Variants in PTPRN2 observed in about 807,000 individuals in gnomAD.
PTPRN2 encodes protein tyrosine phosphatase receptor type N2.
In PTPRN2, 74 loss-of-function variants were observed where a neutral mutation model predicts 118.8. The observed-to-expected ratio is 0.62, with a 90% CI of 0.52 to 0.76. The LOEUF is 0.76. Ranked by LOEUF, PTPRN2 falls within the 30% of genes least tolerant of loss-of-function variation. The probability of loss-of-function intolerance (pLI) is 0.00; values close to 1 mark genes in which losing one functional copy is unlikely to be tolerated. For missense variants in PTPRN2, 1,481 were observed against 1,394.4 expected (o/e 1.06, Z -0.99); for synonymous variants, 641 against 608.0 (o/e 1.05, Z -0.80).
At chr7:157,576,039 C>G (rs1800020254) in intron 19 of PTPRN2, among the ~76,000 whole-genome samples, 1 of 152,154 alleles carries the variant, frequency 6.6e-6, no homozygotes. Context: ...GTCTAGCATT[C>G]ACTTCAACAG....
chr7:158,505,666 G>T (rs1029022729), intron 1 of PTPRN2, among the ~76,000 whole-genome samples: 3 of 151,626 alleles, frequency 2.0e-5, no homozygotes, highest in Non-Finnish European at 2.9e-5. Context: ...AGAGGGAATG[G>T]GGAGAGGAAG....
At chr7:158,251,536 TG>T (rs1487878369) in intron 3 of PTPRN2, among the ~76,000 whole-genome samples, 8 of 143,796 alleles carry the variant, frequency 5.6e-5, no homozygotes, top group Non-Finnish European at 4.5e-5. Context: ...ATGTGGGGGG[TG>T]TGCAATGGAT....
chr7:157,862,284 A>G (rs1563183279), intron 12 of PTPRN2, among the ~76,000 whole-genome samples: 1 of 152,202 alleles, frequency 6.6e-6, no homozygotes, highest in Non-Finnish European at 1.5e-5. Flanking sequence ...ACTTCAACAT[A>G]TCTTTCTGCG....
At chr7:157,718,551 C>T (rs987620787) in intron 12 of PTPRN2, among the ~76,000 whole-genome samples, 6 of 151,692 alleles carry the variant, frequency 4.0e-5, no homozygotes, top group Non-Finnish European at 5.9e-5. Context: ...TCTGAGGTGA[C>T]ACTGCAGCCT....
At chr7:157,950,148 A>C (rs1199028626) in intron 11 of PTPRN2, among the ~76,000 whole-genome samples, 2 of 152,334 alleles carry the variant, frequency 1.3e-5, no homozygotes, top group South Asian at 2.1e-4. Context: ...GTATATCTCA[A>C]TGGAAACACT....
At chr7:158,392,038 C>T (rs540712006) in intron 2 of PTPRN2, among the ~76,000 whole-genome samples, 6 of 152,194 alleles carry the variant, frequency 3.9e-5, no homozygotes, top group East Asian at 1.9e-4. Context: ...TGGGCTGGTG[C>T]GGGGGGAGTA....
At chr7:158,110,769 A>T in intron 10 of PTPRN2, 60 bp downstream of exon 10, 1 of 1,450,386 alleles carries the variant, frequency 6.9e-7, no homozygotes, top group Non-Finnish European at 9.5e-7. Flanking sequence ...CTTCCCTCCC[A>T]CCCAGTCTCT....
At position 157,869,550 on chromosome 7, in the gene PTPRN2, G is replaced by A. The variant is rs188067188; in HGVS notation, c.1788+29123C>T. ...TTTAGTCCATTCCCAAGGCACTGAG[G>A]ACCTTGGGAATTTAGCCACATCAAT... On this transcript the variant is annotated intron_variant, in intron 12 of 22. Coordinates refer to ENST00000389418, the MANE Select transcript of PTPRN2 (RefSeq NM_002847.5). The surrounding 1 kb of genome is among the most constrained non-coding windows in gnomAD (Gnocchi z 4.2). Among the ~76,000 whole-genome samples, 6 of 152,250 alleles carry A rather than the reference G, an allele frequency of 3.9e-5. No homozygotes were observed. In the East Asian group the frequency reaches 1.2e-3, roughly 29 times the overall value.
intron 12 of PTPRN2, among the ~76,000 whole-genome samples, chr7:157,897,011 G>A (rs185043003): frequency 1.8e-4 from 27 of 150,198 alleles, no homozygotes; most frequent in African/African-American, 5.9e-4. Flanking sequence ...CACCACAGCC[G>A]CTTCTCACGG....
chr7:157,652,766 C>T (rs1389985182), intron 14 of PTPRN2, among the ~76,000 whole-genome samples: 1 of 152,254 alleles, frequency 6.6e-6, no homozygotes, highest in Non-Finnish European at 1.5e-5. Flanking sequence ...CACCTGCCGC[C>T]TCCTGTCTCC....
At chr7:158,336,333 C>T (rs1242064640) in intron 2 of PTPRN2, among the ~76,000 whole-genome samples, 1 of 143,504 alleles carries the variant, frequency 7.0e-6, no homozygotes, top group Non-Finnish European at 1.5e-5. Context: ...GAGGTGACAC[C>T]TGCAGACGTC....
intron 6 of PTPRN2, among the ~76,000 whole-genome samples, chr7:158,144,961 C>T (rs1178052514): frequency 1.4e-5 from 2 of 141,586 alleles, no homozygotes; most frequent in African/African-American, 2.7e-5. Flanking sequence ...ACTTCCCTCA[C>T]ATCATCGCAA....
chr7:158,548,271 C>T (rs924487358), intron 1 of PTPRN2, among the ~76,000 whole-genome samples: 1 of 152,176 alleles, frequency 6.6e-6, no homozygotes, highest in Non-Finnish European at 1.5e-5. Flanking sequence ...CTGCTCTGAA[C>T]GGCCCTGATC....
At position 157,823,024 on chromosome 7, in the gene PTPRN2, A is replaced by G. The variant is rs74929515; in HGVS notation, c.1788+75649T>C. Among the ~76,000 whole-genome samples, 84 of 151,700 alleles carry G rather than the reference A, an allele frequency of 5.5e-4. No homozygotes were observed. The East Asian group carries it at 0.014, about 24-fold the overall frequency. On this transcript the variant is annotated intron_variant, in intron 12 of 22. Transcript: ENST00000389418. ...CATACAGACATACATGCACCCATCC[A>G]TCTTTCTATCCTTCCATCCTTCTAT...
At chr7:157,778,199 G>A (rs961842880) in intron 12 of PTPRN2, among the ~76,000 whole-genome samples, 4 of 152,194 alleles carry the variant, frequency 2.6e-5, no homozygotes, top group Non-Finnish European at 5.9e-5. Context: ...AAAAGCCAAC[G>A]CTCCGCCTGC....
At chr7:158,556,152 G>T (rs964963585) in intron 1 of PTPRN2, among the ~76,000 whole-genome samples, 11 of 152,212 alleles carry the variant, frequency 7.2e-5, no homozygotes, top group Non-Finnish European at 1.2e-4. Context: ...AATGATAGAG[G>T]ATAGATATAG....
Position 158,423,633 on chromosome 7 carries a change from A to C in PTPRN2, c.163+66102T>G, listed in dbSNP as rs143687252. ...ACTGCAACCTCCACCTCCTAGGTTC[A>C]AGCGATTCTCCTGCCTCAGCCTCCT... is the stretch of plus-strand genomic sequence containing the variant. On this transcript the variant is annotated intron_variant, in intron 2 of 22. Coordinates refer to ENST00000389418, the MANE Select transcript of PTPRN2 (RefSeq NM_002847.5). Among the ~76,000 whole-genome samples, 909 of 152,150 alleles carry C rather than the reference A, an allele frequency of 6.0e-3. 17 individuals are homozygous for C. The highest frequency in any genetic ancestry group is 0.02 in the African/African-American group (848 of 41,482).
chr7:157,893,990 T>C lies in PTPRN2; in HGVS notation c.1788+4683A>G, dbSNP rs922051030. 5.3e-5 allele frequency among the ~76,000 whole-genome samples: 8 copies of C among 152,196 alleles called. No homozygotes were observed. Among genetic ancestry groups the C allele is most frequent in the African/African-American group, 1.9e-4 (8 of 41,436 alleles). ...GGAAACAATGGGCCTTATTCCTCGATACACCTCCAGCTTCACCTGGAATGG... is the reference window on the plus strand; with the variant it reads ...GGAAACAATGGGCCTTATTCCTCGACACACCTCCAGCTTCACCTGGAATGG... On this transcript the variant is annotated intron_variant, in intron 12 of 22. Coordinates refer to ENST00000389418, the MANE Select transcript of PTPRN2 (RefSeq NM_002847.5). The surrounding 1 kb of genome is among the most constrained non-coding windows in gnomAD (Gnocchi z 4.0).
intron 12 of PTPRN2, among the ~76,000 whole-genome samples, chr7:157,744,583 A>G (rs1031203272): frequency 1.3e-5 from 2 of 152,240 alleles, no homozygotes; most frequent in Non-Finnish European, 2.9e-5. Context: ...GCCATCTAGA[A>G]CCTCAATTTA....
Sources: allele counts gnomAD v4.1 joint callset (sites outside exome capture counted in the v4.1 genomes callset), GRCh38; gene constraint gnomAD v4.1.1; non-coding constraint Gnocchi (gnomAD v3.1); transcripts MANE v1.5; gene names NCBI Gene and HGNC (gene_info 2026-07-23, HGNC 2026-07-21).